Variants in CHST9 observed in about 807,000 individuals in gnomAD.
CHST9 encodes carbohydrate sulfotransferase 9, also known as GalNAc-4-sulfotransferase 2.
CHST9 carries 41 observed loss-of-function variants against 44.4 expected under a neutral mutation model. The observed-to-expected ratio is 0.92, with a 90% CI of 0.72 to 1.20. CHST9 has a LOEUF of 1.20. Ranked by LOEUF, CHST9 falls within the 50% of genes most tolerant of loss-of-function variation. The probability of loss-of-function intolerance (pLI) is 0.00; values close to 1 mark genes in which losing one functional copy is unlikely to be tolerated. For missense variants in CHST9, 504 were observed against 516.5 expected (o/e 0.98, Z 0.23); for synonymous variants, 171 against 178.4 (o/e 0.96, Z 0.33).
chr18:27,145,251 C>G (rs1598755375), intron 1 of CHST9, among the ~76,000 whole-genome samples: 1 of 152,030 alleles, frequency 6.6e-6, no homozygotes, highest in African/African-American at 2.4e-5. Flanking sequence ...GAGTGCAGTG[C>G]CGCAATCTTG....
chr18:26,984,073 C>A (rs2056725429), intron 4 of CHST9, among the ~76,000 whole-genome samples: 1 of 152,130 alleles, frequency 6.6e-6, no homozygotes, highest in Admixed American at 6.6e-5. Flanking sequence ...CTTAAGATAA[C>A]CTTAGGCAAG....
intron 2 of CHST9, among the ~76,000 whole-genome samples, chr18:27,126,958 G>C (rs571216235): frequency 6.6e-6 from 1 of 152,320 alleles, no homozygotes; most frequent in African/African-American, 2.4e-5. Context: ...GTAGGTGCAG[G>C]CAGAGAGGAA....
intron 4 of CHST9, among the ~76,000 whole-genome samples, chr18:26,959,650 G>A (rs190022384): frequency 2.6e-5 from 4 of 152,242 alleles, no homozygotes; most frequent in African/African-American, 7.2e-5. Flanking sequence ...GAATGTCTAA[G>A]GAACAGTAAA....
intron 4 of CHST9, among the ~76,000 whole-genome samples, chr18:26,978,811 GT>G (rs2056656682): frequency 6.6e-6 from 1 of 152,166 alleles, no homozygotes; most frequent in Non-Finnish European, 1.5e-5. Flanking sequence ...ATTTCAAAGT[GT>G]TATGCAAATT....
At chr18:27,009,482 G>A (rs183451960) in intron 4 of CHST9, among the ~76,000 whole-genome samples, 3 of 152,138 alleles carry the variant, frequency 2.0e-5, no homozygotes, top group African/African-American at 7.2e-5. Flanking sequence ...TTGGACTAAT[G>A]GAATTTGCCA....
intron 2 of CHST9, among the ~76,000 whole-genome samples, chr18:27,128,595 G>A (rs1462438084): frequency 6.6e-6 from 1 of 152,180 alleles, no homozygotes; most frequent in African/African-American, 2.4e-5. Context: ...TCCAGGAACA[G>A]TAAATTTTTT....
At chr18:26,977,450 GA>G (rs1000849807) in intron 4 of CHST9, among the ~76,000 whole-genome samples, 4 of 148,286 alleles carry the variant, frequency 2.7e-5, no homozygotes, top group African/African-American at 5.0e-5. Flanking sequence ...AAAATGAAAA[GA>G]AAAAAAGTAA....
chr18:27,091,488 T>C (rs1054936582), intron 2 of CHST9, among the ~76,000 whole-genome samples: 19 of 152,284 alleles, frequency 1.2e-4, no homozygotes, highest in African/African-American at 4.3e-4. Flanking sequence ...CTATGTTGAA[T>C]AGGAGTGGTG....
intron 1 of CHST9, among the ~76,000 whole-genome samples, chr18:27,149,407 T>C (rs1308823827): frequency 6.6e-6 from 1 of 152,154 alleles, no homozygotes; most frequent in East Asian, 1.9e-4. Flanking sequence ...TATTCCACGG[T>C]ATAGACGTAC....
At chr18:26,966,952 C>G (rs1337507360) in intron 4 of CHST9, among the ~76,000 whole-genome samples, 1 of 150,222 alleles carries the variant, frequency 6.7e-6, no homozygotes, top group Non-Finnish European at 1.5e-5. Flanking sequence ...TCCTAATGTT[C>G]CAGTTGGTAG....
intron 2 of CHST9, among the ~76,000 whole-genome samples, chr18:27,139,795 A>G (rs774952635): frequency 2.6e-5 from 4 of 152,198 alleles, no homozygotes; most frequent in Non-Finnish European, 5.9e-5. Flanking sequence ...TAAGTGTTTT[A>G]CCAGTCTTAA....
At chr18:27,148,379 G>A (rs1362315507) in intron 1 of CHST9, among the ~76,000 whole-genome samples, 1 of 151,148 alleles carries the variant, frequency 6.6e-6, no homozygotes, top group Non-Finnish European at 1.5e-5. Flanking sequence ...TTAGCATTAG[G>A]TGTATCTCCT....
intron 2 of CHST9, among the ~76,000 whole-genome samples, chr18:27,053,819 C>T (rs2057617641): frequency 6.6e-6 from 1 of 152,144 alleles, no homozygotes; most frequent in African/African-American, 2.4e-5. Context: ...TGTCACACGG[C>T]TCCTGCCTAT....
chr18:27,001,699 G>T (rs2056955509), intron 4 of CHST9, among the ~76,000 whole-genome samples: 1 of 151,858 alleles, frequency 6.6e-6, no homozygotes, highest in Admixed American at 6.6e-5. Flanking sequence ...ATGCATGGTG[G>T]GAGGGTGGGA....
Position 26,916,728 on chromosome 18 carries a change from G to GATACTAAT in CHST9, c.855_862dup (p.Ser288TyrfsTer2). 6.2e-7 allele frequency: 1 copy of GATACTAAT among 1,613,898 alleles called. No individual in the cohort carries two copies. On this transcript the variant is annotated stop_gained and frameshift_variant, in exon 6 of 6. Coordinates refer to ENST00000618847, the MANE Select transcript of CHST9 (RefSeq NM_031422.6). LOFTEE classifies it high-confidence loss of function. Reference sequence around the variant, plus strand: ...GTGTTCAAATTTGTCCCTAAAGGCTGATACTAATCTTTCCATGGGATCACG... The same window carrying GATACTAAT: ...GTGTTCAAATTTGTCCCTAAAGGCTGATACTAATATACTAATCTTTCCATGGGATCACG...
At chr18:26,943,351 G>A (rs371838544) in intron 5 of CHST9, among the ~76,000 whole-genome samples, 12 of 152,306 alleles carry the variant, frequency 7.9e-5, no homozygotes, top group African/African-American at 2.6e-4. Flanking sequence ...AGGGCATCTG[G>A]CACAGATTGG....
chr18:26,983,487 C>A (rs769584193), intron 4 of CHST9, among the ~76,000 whole-genome samples: 1 of 152,118 alleles, frequency 6.6e-6, no homozygotes, highest in Non-Finnish European at 1.5e-5. Context: ...ATGCCTGCTC[C>A]CTCTTTGCCT....
intron 2 of CHST9, among the ~76,000 whole-genome samples, chr18:27,057,163 A>G (rs1325011124): frequency 6.6e-6 from 1 of 152,240 alleles, no homozygotes; most frequent in Non-Finnish European, 1.5e-5. Flanking sequence ...ATCTTGAACA[A>G]GTAACTTGGC....
At chr18:26,965,767 T>A (rs1163083363) in intron 4 of CHST9, among the ~76,000 whole-genome samples, 1 of 152,198 alleles carries the variant, frequency 6.6e-6, no homozygotes, top group African/African-American at 2.4e-5. Flanking sequence ...GGTAAGAAGA[T>A]CTTATACTAG....
Sources: allele counts gnomAD v4.1 joint callset (sites outside exome capture counted in the v4.1 genomes callset), GRCh38; gene constraint gnomAD v4.1.1; transcripts MANE v1.5; gene names NCBI Gene and HGNC (gene_info 2026-07-23, HGNC 2026-07-21).